Variants in GNAO1 observed in about 807,000 individuals in gnomAD.
GNAO1 encodes G protein subunit alpha o1.
For missense variants in GNAO1, 166 were observed against 478.7 expected (o/e 0.35, Z 6.10); for synonymous variants, 164 against 180.7 (o/e 0.91, Z 0.74).
rs1283382883 is a variant in GNAO1 at position 56,344,010 on chromosome 16, A to G, written c.723+7150A>G. On this transcript the variant is annotated intron_variant, in intron 6 of 8. Coordinates refer to ENST00000262493, the MANE Select transcript of GNAO1 (RefSeq NM_020988.3). ...TGGCCTGCCGCCCCCCCTCCCCTGG[A>G]ACCAGGCTCCACCACTCTCAGACCA... The G allele has an allele frequency of 3.8e-6, 6 of 1,592,650 alleles. No homozygotes were observed. The African/African-American group carries it at 8.0e-5, about 21-fold the overall frequency.
intron 3 of GNAO1, among the ~76,000 whole-genome samples, chr16:56,292,723 G>A (rs2143563263): frequency 6.6e-6 from 1 of 152,334 alleles, no homozygotes. Context: ...CATGGCTTAT[G>A]AGCTGCACGT....
chr16:56,267,367 G>A (rs2036965324), intron 2 of GNAO1, among the ~76,000 whole-genome samples: 1 of 152,246 alleles, frequency 6.6e-6, no homozygotes, highest in Non-Finnish European at 1.5e-5. Context: ...ACCCGTGCCA[G>A]TGCCAGCTCC....
chr16:56,288,939 A>C (rs936030355), intron 3 of GNAO1, among the ~76,000 whole-genome samples: 8 of 149,940 alleles, frequency 5.3e-5, no homozygotes, highest in African/African-American at 1.7e-4. Flanking sequence ...CCCCCACCCT[A>C]CCTCCTTTTT....
intron 3 of GNAO1, among the ~76,000 whole-genome samples, chr16:56,282,503 C>G (rs1291076402): frequency 6.6e-6 from 1 of 152,210 alleles, no homozygotes; most frequent in Non-Finnish European, 1.5e-5. Flanking sequence ...TAACTGGCCA[C>G]CCAAGGTCAT....
intron 4 of GNAO1, among the ~76,000 whole-genome samples, chr16:56,332,255 C>A (rs1336093565): frequency 6.6e-6 from 1 of 152,194 alleles, no homozygotes; most frequent in African/African-American, 2.4e-5. Context: ...CTTGCCCCAG[C>A]CGGACTCTGG....
rs1383219057 is a variant in GNAO1 at position 56,282,397 on chromosome 16, A to G, written c.303+6325A>G. Reference sequence around the variant, plus strand: ...TATTTGTCTAAAATCATTATTTTTGATAAAGTGTTGATGAATTCTACTCAC... The same window carrying G: ...TATTTGTCTAAAATCATTATTTTTGGTAAAGTGTTGATGAATTCTACTCAC... On this transcript the variant is annotated intron_variant, in intron 3 of 8. Transcript: ENST00000262493. 2.0e-5 allele frequency among the ~76,000 whole-genome samples: 3 copies of G among 152,194 alleles called. No homozygotes were observed. The East Asian group carries it at 5.8e-4, about 29-fold the overall frequency.
intron 6 of GNAO1, chr16:56,343,690 A>T: frequency 8.0e-7 from 1 of 1,245,474 alleles, no homozygotes; most frequent in South Asian, 1.4e-5. Context: ...CACACAGGCC[A>T]GGCTGGGGTC....
chr16:56,205,841 A>G (rs565449465), intron 2 of GNAO1, among the ~76,000 whole-genome samples: 21 of 152,326 alleles, frequency 1.4e-4, no homozygotes, highest in African/African-American at 5.1e-4. Context: ...CATGCGTTCT[A>G]AAGGAGGAAA....
At chr16:56,274,391 C>G (rs2037043638) in intron 2 of GNAO1, among the ~76,000 whole-genome samples, 1 of 152,208 alleles carries the variant, frequency 6.6e-6, no homozygotes, top group Non-Finnish European at 1.5e-5. Flanking sequence ...TTTTACAAAA[C>G]TGGACTTAGG....
In GNAO1 at chr16:56,340,711, C is replaced by A. The variant is rs534430289; in HGVS notation, c.723+3851C>A. 3.0e-3 allele frequency: 2,489 copies of A among 819,510 alleles called. 9 individuals carry two copies. Among genetic ancestry groups the A allele is most frequent in the Non-Finnish European group, 3.2e-3 (1,570 of 493,980 alleles). 50.8% of individuals were successfully genotyped at this position (819,510 alleles called of 1,614,324 possible). A position where few individuals can be genotyped will look rare whatever the true frequency, so the allele number is the denominator to read the frequency against. ...CCGTCTCCGTCCTGGTGGTCTCCGTCCCGGTGGTGCATCCAGCCACATTGG... is the reference window on the plus strand; with the variant it reads ...CCGTCTCCGTCCTGGTGGTCTCCGTACCGGTGGTGCATCCAGCCACATTGG... On this transcript the variant is annotated intron_variant, in intron 6 of 8. Coordinates refer to ENST00000262493, the MANE Select transcript of GNAO1 (RefSeq NM_020988.3).
In GNAO1 at chr16:56,339,527, G is replaced by A. The variant is rs1237914025; in HGVS notation, c.723+2667G>A. Among the ~76,000 whole-genome samples, 6 of 152,228 alleles carry A rather than the reference G, an allele frequency of 3.9e-5. No homozygotes were observed. In the East Asian group the frequency reaches 9.6e-4, roughly 24 times the overall value. On this transcript the variant is annotated intron_variant, in intron 6 of 8. Coordinates refer to ENST00000262493, the MANE Select transcript of GNAO1 (RefSeq NM_020988.3). ...TCCTCAGCCATCCTCTCTGGTCAGC[G>A]CTGTGCATCCCTCTCTGGCCTGGGG... is the stretch of plus-strand genomic sequence containing the variant.
intron 2 of GNAO1, among the ~76,000 whole-genome samples, chr16:56,253,234 CT>C (rs2036816022): frequency 6.6e-6 from 1 of 152,178 alleles, no homozygotes; most frequent in African/African-American, 2.4e-5. Flanking sequence ...CTCCTCGTTC[CT>C]CCATCTCACC....
chr16:56,261,032 GGACCTGACCCAAT>G (rs1419032416), intron 2 of GNAO1, among the ~76,000 whole-genome samples: 9 of 152,328 alleles, frequency 5.9e-5, no homozygotes, highest in East Asian at 5.8e-4. Context: ...AGATGTTTGG[GGACCTGACCCAAT>G]GCAGACATAG....
At chr16:56,318,187 A>G (rs2037532171) in intron 3 of GNAO1, among the ~76,000 whole-genome samples, 1 of 152,128 alleles carries the variant, frequency 6.6e-6, no homozygotes, top group Non-Finnish European at 1.5e-5. Context: ...AGCTGCAGAG[A>G]GGGAGGGGCG....
chr16:56,254,218 A>G (rs1399570095), intron 2 of GNAO1, among the ~76,000 whole-genome samples: 2 of 152,264 alleles, frequency 1.3e-5, no homozygotes, highest in East Asian at 1.9e-4. Context: ...AATTCAAATT[A>G]TATTTTTTAT....
At chr16:56,257,178 G>A (rs371131741) in intron 2 of GNAO1, among the ~76,000 whole-genome samples, 19 of 152,200 alleles carry the variant, frequency 1.2e-4, no homozygotes, top group East Asian at 3.9e-4. Context: ...CTGGGTTTGG[G>A]GGGGGGAAAT....
intron 2 of GNAO1, 109 bp from the exon 3 acceptor site, chr16:56,275,822 A>C (rs781733442): frequency 4.9e-6 from 4 of 822,930 alleles, no homozygotes; most frequent in Non-Finnish European, 5.3e-6. Flanking sequence ...GTAACTCAGC[A>C]TCTCGGCTGG....
intron 3 of GNAO1, among the ~76,000 whole-genome samples, chr16:56,315,143 A>C (rs768785165): frequency 1.2e-4 from 18 of 152,212 alleles, no homozygotes; most frequent in Non-Finnish European, 2.9e-5. Flanking sequence ...GGACTTGCCT[A>C]TTCCCACCCT....
At chr16:56,207,202 T>C (rs779046402) in intron 2 of GNAO1, among the ~76,000 whole-genome samples, 13 of 152,228 alleles carry the variant, frequency 8.5e-5, no homozygotes, top group Non-Finnish European at 1.3e-4. Flanking sequence ...GCATGAACTT[T>C]GGAGATTTTG....
Sources: gnomAD v4.1 joint callset for allele counts (sites outside exome capture counted in the v4.1 genomes callset) on GRCh38, gnomAD v4.1.1 for gene constraint, MANE v1.5 for transcripts, NCBI Gene and HGNC (gene_info 2026-07-23, HGNC 2026-07-21) for gene names.